Variants in SSBP4 observed in about 807,000 individuals in gnomAD.
SSBP4 encodes single stranded DNA binding protein 4.
SSBP4 carries 33 observed loss-of-function variants against 64.6 expected under a neutral mutation model. The ratio of observed to expected loss-of-function variants is 0.51; its 90% CI spans 0.39 to 0.68. SSBP4 has a LOEUF of 0.68. SSBP4 is among the 30% of genes least tolerant of loss of function. The pLI is 0.00. For missense variants in SSBP4, 583 were observed against 566.8 expected (o/e 1.03, Z -0.29); for synonymous variants, 243 against 224.0 (o/e 1.08, Z -0.76).
At chr19:18,410,171 T>C in the SSBP4 span, among the ~76,000 whole-genome samples, 1 of 152,150 alleles carries the variant, frequency 6.6e-6, no homozygotes, top group Non-Finnish European at 1.5e-5. Flanking sequence ...TTTTTTTTTG[T>C]ATTTTTAGTA....
chr19:18,416,949 C>A (rs1197658111), upstream of SSBP4, among the ~76,000 whole-genome samples: 1 of 152,214 alleles, frequency 6.6e-6, no homozygotes, highest in Non-Finnish European at 1.5e-5. Flanking sequence ...TTTCCGCCAG[C>A]GCCCAGGCTG....
chr19:18,433,445 C>A, intron 15 of SSBP4, 140 bp from the exon 16 acceptor site: 2 of 1,438,498 alleles, frequency 1.4e-6, no homozygotes, highest in South Asian at 1.2e-5. Context: ...CACCTGGCCT[C>A]AGTCCCGGGG....
rs1357342857 is a variant in SSBP4 at position 18,423,031 on chromosome 19, G to C, written c.59+3324G>C. Among the ~76,000 whole-genome samples, 2 of 152,252 alleles carry C rather than the reference G, an allele frequency of 1.3e-5. No homozygotes were observed. The highest frequency in any genetic ancestry group is 3.8e-4 in the East Asian group (2 of 5,200). ...GGGACCGAGCACCTGGTGGGTGCCT[G>C]CCCTCGGGGGCTCGCAGCAGATGGC... On this transcript the variant is annotated intron_variant, in intron 1 of 17. Transcript: ENST00000270061. The surrounding 1 kb of genome is among the most constrained non-coding windows in gnomAD (Gnocchi z 4.0).
intron 4 of SSBP4, 122 bp from the exon 5 acceptor site, chr19:18,430,719 A>T: frequency 1.3e-6 from 1 of 795,868 alleles, no homozygotes; most frequent in Non-Finnish European, 1.9e-6. Flanking sequence ...CAGTGTGCTC[A>T]CTGACCAATG....
At chr19:18,429,572 C>T (rs1227772862) in intron 4 of SSBP4, among the ~76,000 whole-genome samples, 1 of 151,632 alleles carries the variant, frequency 6.6e-6, no homozygotes, top group Non-Finnish European at 1.5e-5. Flanking sequence ...AGACACAGGG[C>T]TCAAAGGTGC....
At chr19:18,433,945 C>A in intron 17 of SSBP4, 128 bp downstream of exon 17, 1 of 1,240,956 alleles carries the variant, frequency 8.1e-7, no homozygotes. Context: ...GGGGGGGCGG[C>A]CGCGGCATCC....
At chr19:18,421,888 T>C (rs1013760555) in intron 1 of SSBP4, among the ~76,000 whole-genome samples, 4 of 152,168 alleles carry the variant, frequency 2.6e-5, no homozygotes, top group African/African-American at 9.7e-5. Context: ...CCGGGCGTGG[T>C]GGCTCACGCC....
intron 8 of SSBP4, 66 bp downstream of exon 8, chr19:18,431,928 C>A: frequency 6.4e-7 from 1 of 1,563,134 alleles, no homozygotes; most frequent in Non-Finnish European, 8.7e-7. Flanking sequence ...GAGCCCAGAC[C>A]TTGCTGCCTC....
Position 18,426,557 on chromosome 19 carries a change from G to A in SSBP4, c.60-794G>A, listed in dbSNP as rs1003829441. Among the ~76,000 whole-genome samples the A allele has an allele frequency of 2.6e-5, 4 of 152,176 alleles. No homozygotes were observed. The highest frequency in any genetic ancestry group is 4.8e-5 in the African/African-American group (2 of 41,438). ...GTGGCAGCTGGACTGGAGCGGGGTG[G>A]ACAGTCCGGCCTCCCCCTGTGACCT... is the stretch of plus-strand genomic sequence containing the variant. On this transcript the variant is annotated intron_variant, in intron 1 of 17. Coordinates refer to ENST00000270061, the MANE Select transcript of SSBP4 (RefSeq NM_032627.5). This position sits in a 1 kb window ranked among gnomAD's most constrained non-coding sequence, Gnocchi z 4.5.
At chr19:18,404,212 AAGACCCTCAG>A in the SSBP4 span, among the ~76,000 whole-genome samples, 12,384 of 151,348 alleles carry the variant, frequency 0.082, 623 homozygotes, top group Middle Eastern at 0.12. Flanking sequence ...GAGACTCCCA[AAGACCCTCAG>A]AGACCCTCAG....
chr19:18,419,548 G>T lies in SSBP4; in HGVS notation c.-101G>T. The T allele has an allele frequency of 8.7e-7, 1 of 1,150,718 alleles. No homozygotes were observed. The highest frequency in any genetic ancestry group is 1.1e-6 in the Non-Finnish European group (1 of 933,904). 71.3% of individuals were successfully genotyped at this position (1,150,718 alleles called of 1,614,324 possible). ...CCTGCCGTGCCCGCCTGGGGCTCGG[G>T]GCGGTGAGGCCCGGGGCGCGGGGTA... is the stretch of plus-strand genomic sequence containing the variant. On this transcript the variant is annotated 5_prime_UTR_variant, in exon 1 of 18. Coordinates refer to ENST00000270061, the MANE Select transcript of SSBP4 (RefSeq NM_032627.5).
chr19:18,404,288 T>C, the SSBP4 span, among the ~76,000 whole-genome samples: 36 of 151,750 alleles, frequency 2.4e-4, no homozygotes, highest in South Asian at 5.2e-3. Context: ...CCCAGAGACT[T>C]TCAGAGACAT....
intron 4 of SSBP4, among the ~76,000 whole-genome samples, chr19:18,430,203 C>G (rs1252238393): frequency 2.0e-5 from 3 of 152,158 alleles, no homozygotes; most frequent in Non-Finnish European, 4.4e-5. Context: ...GACTGGGCCT[C>G]CCTTCCCACC....
chr19:18,423,308 G>A lies in SSBP4; in HGVS notation c.59+3601G>A, dbSNP rs1972588016. Among the ~76,000 whole-genome samples, 1 of 152,210 alleles carries A rather than the reference G, an allele frequency of 6.6e-6. No homozygotes were observed. Among genetic ancestry groups the A allele is most frequent in the Admixed American group, 6.5e-5 (1 of 15,282 alleles). On this transcript the variant is annotated intron_variant, in intron 1 of 17. Coordinates refer to ENST00000270061, the MANE Select transcript of SSBP4 (RefSeq NM_032627.5). The surrounding 1 kb of genome is among the most constrained non-coding windows in gnomAD (Gnocchi z 4.0). ...TCAGCCTGGCAGGTAAGCCAGGGAT[G>A]GGATTCACGATTGGACGTGGTCATT...
intron 4 of SSBP4, among the ~76,000 whole-genome samples, chr19:18,430,510 C>T (rs978428564): frequency 1.3e-5 from 2 of 152,110 alleles, no homozygotes; most frequent in South Asian, 2.1e-4. Context: ...TTGAAACTGC[C>T]GGTATATTTG....
chr19:18,433,542 C>T lies in SSBP4; in HGVS notation c.992-43C>T, dbSNP rs752288405. 8.4e-6 allele frequency: 13 copies of T among 1,546,120 alleles called. No individual in the cohort carries two copies. In the South Asian group the frequency reaches 1.3e-4, roughly 16 times the overall value. ...CCCCTGGAGGCCGAGGGGCATGGCGCCAGCACGTCTGAGCCGGTGCCCGTG... is the reference window on the plus strand; with the variant it reads ...CCCCTGGAGGCCGAGGGGCATGGCGTCAGCACGTCTGAGCCGGTGCCCGTG... On this transcript the variant is annotated intron_variant, in intron 15 of 17. Transcript: ENST00000270061.
chr19:18,409,082 G>A, the SSBP4 span, among the ~76,000 whole-genome samples: 147 of 152,294 alleles, frequency 9.7e-4, 1 homozygote, highest in Middle Eastern at 0.031. Flanking sequence ...CCAAAGTGCT[G>A]GGATTACAGG....
intron 1 of SSBP4, among the ~76,000 whole-genome samples, chr19:18,424,464 A>C (rs988957305): frequency 1.3e-5 from 2 of 151,748 alleles, no homozygotes; most frequent in Non-Finnish European, 2.9e-5. Flanking sequence ...GTGACAGTGA[A>C]GCCCCGAGAG....
At chr19:18,428,428 T>C (rs73523074) in intron 4 of SSBP4, among the ~76,000 whole-genome samples, 4,921 of 152,262 alleles carry the variant, frequency 0.032, 232 homozygotes, top group African/African-American at 0.095. Flanking sequence ...TGGGACACTT[T>C]CTGACCTTGC....
Sources: gnomAD v4.1 joint callset for allele counts (sites outside exome capture counted in the v4.1 genomes callset) on GRCh38, gnomAD v4.1.1 for gene constraint, Gnocchi (gnomAD v3.1) non-coding constraint, MANE v1.5 for transcripts, NCBI Gene and HGNC (gene_info 2026-07-23, HGNC 2026-07-21) for gene names.